Variants in SSBP3 observed in about 807,000 individuals in gnomAD.
SSBP3 encodes single-stranded DNA-binding protein 3.
In SSBP3, 5 loss-of-function variants were observed where a neutral mutation model predicts 69.6. The ratio of observed to expected loss-of-function variants is 0.07; its 90% CI spans 0.04 to 0.15. The LOEUF is 0.15. SSBP3 is among the 10% of genes least tolerant of loss of function. The pLI is 1.00. For missense variants in SSBP3, 312 were observed against 534.0 expected, an observed-to-expected ratio of 0.58 and a Z score of 4.10; for synonymous variants, 196 against 193.4, an observed-to-expected ratio of 1.01 and a Z score of -0.11.
intron 4 of SSBP3, among the ~76,000 whole-genome samples, chr1:54,330,053 T>C (rs1646380261): frequency 6.6e-6 from 1 of 152,138 alleles, no homozygotes; most frequent in South Asian, 2.1e-4. Context: ...AGTATCCTGG[T>C]TGGGATATTA....
Position 54,240,145 on chromosome 1 carries a change from G to A in SSBP3, c.856+760C>T, listed in dbSNP as rs867695385. Among the ~76,000 whole-genome samples the A allele has an allele frequency of 9.5e-5, 14 of 147,738 alleles. 1 individual carries two copies. Among genetic ancestry groups the A allele is most frequent in the Middle Eastern group, 3.4e-3 (1 of 298 alleles). ...GCAACACATGCCCACGTATGTGCAC[G>A]CATGCCCTCTTTTGTTTAAAGAAAC... On this transcript the variant is annotated intron_variant, in intron 13 of 17. Transcript: ENST00000610401.
chr1:54,332,602 G>A (rs1335300275), intron 4 of SSBP3, among the ~76,000 whole-genome samples: 2 of 152,152 alleles, frequency 1.3e-5, no homozygotes, highest in Non-Finnish European at 2.9e-5. Context: ...CCTCTAAGAA[G>A]TCACTTCACC....
chr1:54,281,782 C>T (rs576220870), intron 4 of SSBP3, among the ~76,000 whole-genome samples: 12 of 152,154 alleles, frequency 7.9e-5, no homozygotes, highest in East Asian at 7.7e-4. Context: ...CAACGAATTC[C>T]GAGGCTCTTT....
chr1:54,267,346 T>C (rs374577048), intron 5 of SSBP3, among the ~76,000 whole-genome samples: 1 of 152,216 alleles, frequency 6.6e-6, no homozygotes, highest in Non-Finnish European at 1.5e-5. Context: ...TCACTCTAAC[T>C]GGGCACTAGG....
chr1:54,233,518 C>T (rs1262579725), intron 14 of SSBP3, among the ~76,000 whole-genome samples: 2 of 149,772 alleles, frequency 1.3e-5, no homozygotes, highest in Admixed American at 6.6e-5. Context: ...CGGCCAGCCG[C>T]CCCGTCCGGG....
intron 4 of SSBP3, among the ~76,000 whole-genome samples, chr1:54,321,642 T>C (rs1005099830): frequency 6.6e-6 from 1 of 152,246 alleles, no homozygotes; most frequent in South Asian, 2.1e-4. Context: ...AGAGTTCCCG[T>C]GCAAGTCAAA....
chr1:54,239,058 C>T (rs758827003), intron 14 of SSBP3, 71 bp downstream of exon 14: 1 of 1,311,360 alleles, frequency 7.6e-7, no homozygotes, highest in South Asian at 1.2e-5. Flanking sequence ...ACTTGCTTTC[C>T]CCTCAGCTGA....
chr1:54,311,251 C>T (rs912765562), intron 4 of SSBP3, among the ~76,000 whole-genome samples: 3 of 152,126 alleles, frequency 2.0e-5, no homozygotes, highest in Non-Finnish European at 4.4e-5. Flanking sequence ...CAGGGTCCTC[C>T]CTGACTTAAT....
chr1:54,313,459 T>C (rs1443714689), intron 4 of SSBP3, among the ~76,000 whole-genome samples: 1 of 148,280 alleles, frequency 6.7e-6, no homozygotes, highest in African/African-American at 2.5e-5. Context: ...TTTTTTTTTT[T>C]TTCTTTTTAA....
intron 14 of SSBP3, among the ~76,000 whole-genome samples, chr1:54,235,503 T>G (rs1215260048): frequency 7.1e-6 from 1 of 140,288 alleles, no homozygotes; most frequent in African/African-American, 2.7e-5. Flanking sequence ...TCACCCAGGC[T>G]GGAGCGCAGC....
chr1:54,283,541 T>G (rs1000106813), intron 4 of SSBP3, among the ~76,000 whole-genome samples: 4 of 152,172 alleles, frequency 2.6e-5, no homozygotes, highest in African/African-American at 9.7e-5. Context: ...GGGGATAAAG[T>G]GACAGAATGG....
chr1:54,341,569 G>C (rs1246013709), intron 4 of SSBP3, among the ~76,000 whole-genome samples: 1 of 152,048 alleles, frequency 6.6e-6, no homozygotes, highest in Non-Finnish European at 1.5e-5. Context: ...GATGACCAAG[G>C]GCAAAAGTGA....
intron 4 of SSBP3, among the ~76,000 whole-genome samples, chr1:54,308,041 G>C (rs1455188813): frequency 2.0e-5 from 3 of 152,222 alleles, no homozygotes; most frequent in African/African-American, 7.2e-5. Flanking sequence ...TTGGGGTCTG[G>C]ATTGGGACCC....
At chr1:54,237,278 C>T (rs146617560) in intron 14 of SSBP3, 1 of 152,320 alleles carries the variant, frequency 6.6e-6, no homozygotes, top group East Asian at 1.9e-4. Flanking sequence ...GGTTCACACA[C>T]AGGACTTTTA....
intron 4 of SSBP3, among the ~76,000 whole-genome samples, chr1:54,385,650 C>T (rs908166224): frequency 2.6e-5 from 4 of 152,178 alleles, no homozygotes; most frequent in Admixed American, 6.5e-5. Flanking sequence ...CTAAACGTGC[C>T]CCAGAATCAC....
chr1:54,248,167 C>A (rs898986345), intron 9 of SSBP3, among the ~76,000 whole-genome samples: 1 of 152,210 alleles, frequency 6.6e-6, no homozygotes, highest in Non-Finnish European at 1.5e-5. Flanking sequence ...ATCTAATTCC[C>A]GGCTGTGAAT....
rs1224748981 is a variant in SSBP3, at chr1:54,240,085, TGTGCGCGC to T, written c.856+812_856+819del. ...GTGTGTGTGTGTGTGTGTGTGTGTG[TGTGCGCGC>T]GCGCGCGTGTGCGTGCGCGCGCGCG... On this transcript the variant is annotated intron_variant, in intron 13 of 17. Transcript: ENST00000610401. Among the ~76,000 whole-genome samples the T allele has an allele frequency of 8.7e-3, 335 of 38,544 alleles. 4 individuals carry two copies. The highest frequency in any genetic ancestry group is 0.018 in the African/African-American group (202 of 11,048). The allele number at this position is 38,544 out of a possible 152,430, so 25.3% of individuals were successfully genotyped here.
chr1:54,393,905 G>A (rs1011591575), intron 4 of SSBP3, among the ~76,000 whole-genome samples: 10 of 152,018 alleles, frequency 6.6e-5, no homozygotes, highest in Admixed American at 2.6e-4. Context: ...GACTACAGGC[G>A]CCCACCACCA....
At chr1:54,242,316 G>GTCCTTCC (rs1461017657) in intron 10 of SSBP3, 104 bp from the exon 11 acceptor site, 3 of 1,379,586 alleles carry the variant, frequency 2.2e-6, no homozygotes, top group Non-Finnish European at 3.1e-6. Flanking sequence ...ACAACAGGAA[G>GTCCTTCC]TCCTTCCTAC....
Sources: allele counts gnomAD v4.1 joint callset (sites outside exome capture counted in the v4.1 genomes callset), GRCh38; gene constraint gnomAD v4.1.1; transcripts MANE v1.5; gene names NCBI Gene and HGNC (gene_info 2026-07-23, HGNC 2026-07-21).